GRAMD2A: variants seen among roughly 807,000 people sequenced by gnomAD.
GRAMD2A encodes the protein GRAM domain containing 2A.
A neutral mutation model predicts 51.1 loss-of-function variants in GRAMD2A; 37 were observed. The observed-to-expected ratio is 0.72, with a 90% CI of 0.56 to 0.95. The LOEUF is 0.95. GRAMD2A is among the 40% of genes least tolerant of loss of function. The pLI is 0.00. For synonymous variants in GRAMD2A, 136 were observed against 157.1 expected, an observed-to-expected ratio of 0.87 and a Z score of 1.01; for missense variants, 414 against 426.9, an observed-to-expected ratio of 0.97 and a Z score of 0.27.
intron 1 of GRAMD2A, among the ~76,000 whole-genome samples, chr15:72,177,583 A>C (rs554986464): frequency 6.6e-6 from 1 of 152,356 alleles, no homozygotes; most frequent in East Asian, 1.9e-4. Flanking sequence ...TTTACTACTG[A>C]TGGACATTTA....
intron 5 of GRAMD2A, 75 bp from the exon 6 acceptor site, chr15:72,167,167 C>T (rs552345550): frequency 9.2e-7 from 1 of 1,091,532 alleles, no homozygotes; most frequent in South Asian, 1.3e-5. Flanking sequence ...CCTAGGGACC[C>T]AGCTGTGAGC....
chr15:72,169,775 A>G, intron 2 of GRAMD2A, 72 bp downstream of exon 2: 2 of 1,274,562 alleles, frequency 1.6e-6, no homozygotes, highest in Non-Finnish European at 1.1e-6. Context: ...GTCCTCTTAC[A>G]AACAGGTCAC....
In GRAMD2A at chr15:72,161,837, A is replaced by G; in HGVS notation, c.*172T>C. The G allele has an allele frequency of 1.5e-6, 1 of 676,300 alleles. No individual in the cohort carries two copies. The highest frequency in any genetic ancestry group is 2.6e-6 in the Non-Finnish European group (1 of 384,732). The allele number at this position is 676,300 out of a possible 1,614,324, so 41.9% of individuals were successfully genotyped here. A position where few individuals can be genotyped will look rare whatever the true frequency, so the allele number is the denominator to read the frequency against. On this transcript the variant is annotated 3_prime_UTR_variant, in exon 12 of 12. Transcript: ENST00000309731. ...GTTACTTTGTAAACACGTACTTCAG[A>G]TCTCTCATAGAGGGAAGAGAAGAGC...
intron 4 of GRAMD2A, 64 bp from the exon 5 acceptor site, chr15:72,167,903 G>C: frequency 1.7e-6 from 2 of 1,165,340 alleles, no homozygotes; most frequent in South Asian, 2.5e-5. Flanking sequence ...CCAGGACCTG[G>C]GTCCTCACGT....
intron 2 of GRAMD2A, chr15:72,169,490 G>A (rs2081585932): frequency 1.9e-6 from 1 of 532,370 alleles, no homozygotes. Flanking sequence ...TGTGGCCTGA[G>A]CTCTGCTGCG....
chr15:72,182,138 G>A (rs2081700862), intron 1 of GRAMD2A, among the ~76,000 whole-genome samples: 1 of 152,120 alleles, frequency 6.6e-6, no homozygotes, highest in African/African-American at 2.4e-5. Flanking sequence ...GCCGAGGAGG[G>A]TGGATCACTT....
intron 1 of GRAMD2A, among the ~76,000 whole-genome samples, chr15:72,181,894 A>G (rs1200721493): frequency 6.6e-6 from 1 of 152,206 alleles, no homozygotes; most frequent in Non-Finnish European, 1.5e-5. Context: ...ATAAGTGAGA[A>G]GAGGAGCTAG....
At chr15:72,195,878 C>T (rs1043902399) in intron 1 of GRAMD2A, among the ~76,000 whole-genome samples, 9 of 152,098 alleles carry the variant, frequency 5.9e-5, no homozygotes, top group Non-Finnish European at 1.2e-4. Context: ...CGAGATCACG[C>T]CATTGCACTC....
chr15:72,194,984 G>A (rs1056462795), intron 1 of GRAMD2A, among the ~76,000 whole-genome samples: 4 of 152,154 alleles, frequency 2.6e-5, no homozygotes, highest in African/African-American at 9.7e-5. Context: ...CGCCGCGCCC[G>A]GCTCAAATTC....
Position 72,163,377 on chromosome 15 carries a change from G to A in GRAMD2A, c.845C>T (p.Ser282Phe). The A allele has an allele frequency of 1.2e-6, 2 of 1,614,116 alleles. No homozygotes were observed. Among genetic ancestry groups the A allele is most frequent in the South Asian group, 1.1e-5 (1 of 91,084 alleles). The change falls in exon 10 of 12, where the codon TCT becomes TTT. Residue 282 changes from serine (S) to phenylalanine (F), a missense_variant. Physicochemically the swap from Ser to Phe is radical, Grantham distance 155 (BLOSUM62 -2). Transcript: ENST00000309731. The part of the protein sequence containing the change: ...PACPKKMPNC[S>F]PTAKNAVYEE... Reference sequence around the variant, plus strand: ...ATAGACAGCATTCTTTGCAGTGGGAGAGCAGTTCGGCATCTTCTTAGGGCA... The same window carrying A: ...ATAGACAGCATTCTTTGCAGTGGGAAAGCAGTTCGGCATCTTCTTAGGGCA...
At chr15:72,181,040 G>A (rs535466901) in intron 1 of GRAMD2A, among the ~76,000 whole-genome samples, 22 of 152,322 alleles carry the variant, frequency 1.4e-4, no homozygotes, top group Non-Finnish European at 2.9e-4. Flanking sequence ...TAGCCAAATG[G>A]AGAAGGGGGA....
At chr15:72,172,363 C>G (rs577518792) in intron 1 of GRAMD2A, among the ~76,000 whole-genome samples, 13 of 152,096 alleles carry the variant, frequency 8.5e-5, no homozygotes, top group African/African-American at 3.1e-4. Flanking sequence ...GCTCAATCGT[C>G]CCACCTCAGC....
rs377462418 is a variant in GRAMD2A at position 72,166,955 on chromosome 15, C to T, written c.471+39G>A. 4.0e-5 allele frequency: 60 copies of T among 1,502,454 alleles called. 1 individual carries two copies. The African/African-American group carries it at 4.9e-4, about 12-fold the overall frequency. 93.1% of individuals were successfully genotyped at this position (1,502,454 alleles called of 1,614,324 possible). ...GACTGTGGGCTGTCAGGGCTGGGAG[C>T]GGGAGACTGACAAGGGAGCATGGGC... On this transcript the variant is annotated intron_variant, in intron 6 of 11. Coordinates refer to ENST00000309731, the MANE Select transcript of GRAMD2A (RefSeq NM_001012642.3). This position sits in a 1 kb window ranked among gnomAD's most constrained non-coding sequence, Gnocchi z 4.1.
chr15:72,162,162 A>G, intron 11 of GRAMD2A, 111 bp downstream of exon 11: 1 of 1,343,290 alleles, frequency 7.4e-7, no homozygotes, highest in Non-Finnish European at 1.1e-6. Flanking sequence ...GCTTAGGGTC[A>G]GAAGCCAGCT....
chr15:72,167,124 TA>T, intron 5 of GRAMD2A, 32 bp from the exon 6 acceptor site: 1 of 1,512,230 alleles, frequency 6.6e-7, no homozygotes, highest in Non-Finnish European at 9.2e-7. Flanking sequence ...CTCTCAGGAC[TA>T]ACCCCCAAGG....
intron 1 of GRAMD2A, among the ~76,000 whole-genome samples, chr15:72,179,676 G>A (rs921027186): frequency 1.3e-5 from 2 of 152,228 alleles, no homozygotes; most frequent in African/African-American, 4.8e-5. Flanking sequence ...GTGAGGATCT[G>A]CAAGAGGTCT....
At chr15:72,183,003 G>A (rs902722823) in intron 1 of GRAMD2A, among the ~76,000 whole-genome samples, 12 of 152,106 alleles carry the variant, frequency 7.9e-5, no homozygotes, top group African/African-American at 2.9e-4. Context: ...CTCCTGAGTA[G>A]CTGGCACTAC....
intron 10 of GRAMD2A, chr15:72,162,893 G>A (rs867582651): frequency 5.0e-4 from 119 of 238,672 alleles, no homozygotes; most frequent in Middle Eastern, 1.6e-3. Flanking sequence ...CAGAGGTAGA[G>A]ACAAGTCAGG....
intron 5 of GRAMD2A, 112 bp downstream of exon 5, chr15:72,167,624 T>C: frequency 1.2e-6 from 1 of 835,606 alleles, no homozygotes; most frequent in Non-Finnish European, 2.0e-6. Context: ...AGCAAGGGGC[T>C]TCACCCGGGG....
Sources: gnomAD v4.1 joint callset for allele counts (sites outside exome capture counted in the v4.1 genomes callset) on GRCh38, gnomAD v4.1.1 for gene constraint, Gnocchi (gnomAD v3.1) non-coding constraint, MANE v1.5 for transcripts, NCBI Gene and HGNC (gene_info 2026-07-23, HGNC 2026-07-21) for gene names.